Variants in RALGPS2 observed in about 807,000 individuals in gnomAD.
RALGPS2 encodes the protein Ral GEF with PH domain and SH3 binding motif 2.
A neutral mutation model predicts 86.8 loss-of-function variants in RALGPS2; 43 were observed. The ratio of observed to expected loss-of-function variants is 0.50; its 90% confidence interval spans 0.39 to 0.64. The LOEUF is 0.64. Among genes scored for constraint, RALGPS2 ranks in the 30% least tolerant of loss-of-function variants. The probability of loss-of-function intolerance (pLI) is 0.00; values close to 1 mark genes in which losing one functional copy is unlikely to be tolerated. For missense variants in RALGPS2, 536 were observed against 694.6 expected (o/e 0.77, Z 2.57); for synonymous variants, 243 against 231.3 (o/e 1.05, Z -0.46).
At chr1:178,809,743 A>G (rs1284364940) in intron 5 of RALGPS2, among the ~76,000 whole-genome samples, 1 of 152,070 alleles carries the variant, frequency 6.6e-6, no homozygotes, top group Non-Finnish European at 1.5e-5. Flanking sequence ...TGGATTTATT[A>G]CATAGTAGCT....
At chr1:178,869,199 C>G (rs1658598780) in intron 8 of RALGPS2, 1 of 152,050 alleles carries the variant, frequency 6.6e-6, no homozygotes, top group African/African-American at 2.4e-5. Context: ...AGTAGCTTTT[C>G]TCTTCATAGT....
intron 1 of RALGPS2, chr1:178,725,944 A>T (rs1649968673): frequency 6.6e-6 from 1 of 152,076 alleles, no homozygotes; most frequent in South Asian, 2.1e-4. Context: ...AGTCGCGGTC[A>T]GGGTGACCTG....
intron 4 of RALGPS2, among the ~76,000 whole-genome samples, chr1:178,797,579 T>C (rs1654256194): frequency 6.6e-6 from 1 of 152,138 alleles, no homozygotes; most frequent in Non-Finnish European, 1.5e-5. Flanking sequence ...TAGAGGCCCA[T>C]AGGCAGTTAT....
At chr1:178,827,606 G>A (rs970124971) in intron 7 of RALGPS2, among the ~76,000 whole-genome samples, 11 of 151,698 alleles carry the variant, frequency 7.3e-5, no homozygotes, top group East Asian at 5.8e-4. Context: ...CATTTTAGCC[G>A]GGATGGTCTC....
At chr1:178,770,304 T>C (rs1339012680) in intron 1 of RALGPS2, among the ~76,000 whole-genome samples, 2 of 151,794 alleles carry the variant, frequency 1.3e-5, no homozygotes, top group African/African-American at 4.8e-5. Context: ...AATTACAGGC[T>C]TGAGCCACCA....
chr1:178,901,561 G>A (rs1282481264), intron 17 of RALGPS2, among the ~76,000 whole-genome samples: 1 of 151,834 alleles, frequency 6.6e-6, no homozygotes, highest in Non-Finnish European at 1.5e-5. Context: ...GTAATAGACA[G>A]GCTAAGAATA....
chr1:178,761,969 A>G (rs1452778456), intron 1 of RALGPS2, among the ~76,000 whole-genome samples: 2 of 152,170 alleles, frequency 1.3e-5, no homozygotes, highest in Non-Finnish European at 2.9e-5. Context: ...GGTAATAAGC[A>G]TAGTACCCAG....
At chr1:178,732,284 C>T (rs1352399177) in intron 1 of RALGPS2, among the ~76,000 whole-genome samples, 1 of 122,504 alleles carries the variant, frequency 8.2e-6, no homozygotes, top group East Asian at 2.2e-4. Flanking sequence ...ATTTTATGTT[C>T]CTGATTTATT....
chr1:178,731,789 A>G (rs1167174325), intron 1 of RALGPS2, among the ~76,000 whole-genome samples: 2 of 152,092 alleles, frequency 1.3e-5, no homozygotes, highest in African/African-American at 2.4e-5. Context: ...GATTATATGG[A>G]GAGGAGATAT....
intron 8 of RALGPS2, among the ~76,000 whole-genome samples, chr1:178,838,513 C>G (rs1015804053): frequency 6.6e-6 from 1 of 152,160 alleles, no homozygotes; most frequent in Non-Finnish European, 1.5e-5. Context: ...ACCAAAACCC[C>G]ATCTATATGT....
At chr1:178,799,509 A>G (rs563489763) in intron 4 of RALGPS2, among the ~76,000 whole-genome samples, 2 of 152,238 alleles carry the variant, frequency 1.3e-5, no homozygotes, top group Admixed American at 6.5e-5. Flanking sequence ...GCCCTTACCT[A>G]TAAAGCTGCT....
chr1:178,866,193 C>A (rs1389660856), intron 8 of RALGPS2, among the ~76,000 whole-genome samples: 1 of 152,106 alleles, frequency 6.6e-6, no homozygotes, highest in African/African-American at 2.4e-5. Context: ...GAAAATGGTA[C>A]ACAGTGTTTG....
At chr1:178,906,293 TAAA>T (rs1314920965) in intron 18 of RALGPS2, among the ~76,000 whole-genome samples, 2 of 151,730 alleles carry the variant, frequency 1.3e-5, no homozygotes, top group Non-Finnish European at 2.9e-5. Flanking sequence ...GAGAATCTCA[TAAA>T]GCTGGGAGGC....
At position 178,916,556 on chromosome 1, in the gene RALGPS2, A is replaced by G. The variant is rs769685108; in HGVS notation, c.*197A>G. ...TCCCAGAGAACAAATTGGAGTTGCAAAACAAACTGCCATGAACCATGCTTC... is the reference window on the plus strand; with the variant it reads ...TCCCAGAGAACAAATTGGAGTTGCAGAACAAACTGCCATGAACCATGCTTC... On this transcript the variant is annotated 3_prime_UTR_variant, in exon 20 of 20. Coordinates refer to ENST00000367635, the MANE Select transcript of RALGPS2 (RefSeq NM_152663.5). 1.8e-6 allele frequency: 1 copy of G among 567,734 alleles called. No individual in the cohort carries two copies. Among genetic ancestry groups the G allele is most frequent in the Non-Finnish European group, 3.1e-6 (1 of 327,114 alleles). The allele number at this position is 567,734 out of a possible 1,614,324, so 35.2% of individuals were successfully genotyped here. A position where few individuals can be genotyped will look rare whatever the true frequency, so the allele number is the denominator to read the frequency against.
chr1:178,833,985 C>G (rs17673998), intron 8 of RALGPS2, among the ~76,000 whole-genome samples: 33,516 of 152,042 alleles, frequency 0.22, 4,771 homozygotes, highest in Non-Finnish European at 0.32. Context: ...TGAGTTGATT[C>G]ACTGTGGCAA....
intron 8 of RALGPS2, chr1:178,865,438 C>G: frequency 6.2e-7 from 1 of 1,613,996 alleles, no homozygotes; most frequent in African/African-American, 1.3e-5. Context: ...TTACCTCATT[C>G]ACAATGTTTC....
At chr1:178,873,985 A>G (rs541560661) in intron 8 of RALGPS2, among the ~76,000 whole-genome samples, 3 of 152,258 alleles carry the variant, frequency 2.0e-5, no homozygotes, top group African/African-American at 4.8e-5. Flanking sequence ...GGTTCTCGCC[A>G]TTCTCCTGCC....
intron 8 of RALGPS2, chr1:178,852,907 T>G: frequency 6.2e-7 from 1 of 1,613,712 alleles, no homozygotes. Context: ...CATATAGATA[T>G]TTTCCAGTCC....
intron 8 of RALGPS2, among the ~76,000 whole-genome samples, chr1:178,864,470 G>A (rs1299552300): frequency 6.6e-6 from 1 of 152,252 alleles, no homozygotes; most frequent in East Asian, 1.9e-4. Context: ...TAGTAGTTGA[G>A]TCATCTGCTG....
Sources: allele counts gnomAD v4.1 joint callset (sites outside exome capture counted in the v4.1 genomes callset), GRCh38; gene constraint gnomAD v4.1.1; transcripts MANE v1.5; gene names NCBI Gene and HGNC (gene_info 2026-07-23, HGNC 2026-07-21).